C1QTNF3: variants seen among roughly 807,000 people sequenced by gnomAD.
C1QTNF3 encodes the protein complement C1q tumor necrosis factor-related protein 3.
C1QTNF3 carries 26 observed loss-of-function variants against 32.6 expected under a neutral mutation model. The ratio of observed to expected loss-of-function variants is 0.80; its 90% CI spans 0.58 to 1.11. The LOEUF (loss-of-function observed/expected upper bound fraction) is 1.11, where lower values mean the gene tolerates loss of function less well. Ranked by LOEUF, C1QTNF3 falls within the 50% of genes least tolerant of loss-of-function variation. The pLI, the probability that C1QTNF3 is intolerant of heterozygous loss-of-function variation, is 0.00. For missense variants in C1QTNF3, 362 were observed against 398.2 expected, an observed-to-expected ratio of 0.91 and a Z score of 0.77; for synonymous variants, 155 against 146.0, an observed-to-expected ratio of 1.06 and a Z score of -0.44.
chr5:34,129,513 G>A, the C1QTNF3 span, among the ~76,000 whole-genome samples: 2 of 152,012 alleles, frequency 1.3e-5, no homozygotes, highest in East Asian at 3.8e-4. Flanking sequence ...GAGGCGATGG[G>A]TATGAACTTG....
At chr5:34,079,486 TTTG>T in the C1QTNF3 span, among the ~76,000 whole-genome samples, 31 of 151,858 alleles carry the variant, frequency 2.0e-4, 1 homozygote, top group African/African-American at 7.5e-4. Context: ...ATTTATTATC[TTTG>T]TTTTTTTATT....
At chr5:34,160,401 A>G in the C1QTNF3 span, among the ~76,000 whole-genome samples, 5 of 152,326 alleles carry the variant, frequency 3.3e-5, no homozygotes, top group East Asian at 9.6e-4. Context: ...AAGCATATTC[A>G]TATACATTCT....
chr5:34,174,144 G>C, the C1QTNF3 span, among the ~76,000 whole-genome samples: 1 of 152,282 alleles, frequency 6.6e-6, no homozygotes, highest in South Asian at 2.1e-4. Context: ...TGCAGCCTCC[G>C]CCTCCGAGGT....
chr5:34,021,990 G>A (rs1418456218), intron 5 of C1QTNF3, among the ~76,000 whole-genome samples: 1 of 152,162 alleles, frequency 6.6e-6, no homozygotes. Context: ...ACAATCTGAT[G>A]GATTAAAAAT....
chr5:34,178,415 C>G, the C1QTNF3 span, among the ~76,000 whole-genome samples: 12 of 152,194 alleles, frequency 7.9e-5, no homozygotes, highest in Non-Finnish European at 1.8e-4. Flanking sequence ...AGGGTGCAAA[C>G]AGAACAGTGC....
the C1QTNF3 span, among the ~76,000 whole-genome samples, chr5:34,211,935 C>T: frequency 1.2e-4 from 19 of 152,132 alleles, no homozygotes; most frequent in African/African-American, 3.6e-4. Flanking sequence ...AAAAAGAGCC[C>T]GCATCGCCAA....
At chr5:34,209,039 T>C in the C1QTNF3 span, among the ~76,000 whole-genome samples, 2 of 151,130 alleles carry the variant, frequency 1.3e-5, no homozygotes, top group South Asian at 2.1e-4. Flanking sequence ...GCAGGAAAAC[T>C]GGTAAACCTC....
At chr5:34,222,359 A>C in the C1QTNF3 span, among the ~76,000 whole-genome samples, 10 of 152,050 alleles carry the variant, frequency 6.6e-5, no homozygotes, top group Admixed American at 6.6e-4. Flanking sequence ...ATTGTTTATA[A>C]GTTTTACTCT....
At chr5:34,084,789 GTTTTTT>G in the C1QTNF3 span, among the ~76,000 whole-genome samples, 1 of 68,762 alleles carries the variant, frequency 1.5e-5, no homozygotes, top group African/African-American at 7.6e-5. Flanking sequence ...GGTTTTTCTG[GTTTTTT>G]TTTTGTTTTT....
At position 34,042,875 on chromosome 5, in the gene C1QTNF3, A is replaced by G. The variant is rs1482059910; in HGVS notation, c.251T>C (p.Leu84Pro). 1.9e-6 allele frequency: 3 copies of G among 1,614,078 alleles called. No individual in the cohort carries two copies. The Admixed American group carries it at 5.0e-5, about 27-fold the overall frequency. Residue 84 changes from leucine (L) to proline (P), a missense_variant, in exon 1 of 6, where the codon CTA becomes CCA. By Grantham distance (98) the Leu-to-Pro change is moderately conservative (BLOSUM62 -3). Transcript: ENST00000382065. ...TDLKSLRPDELPHPEVDDLAQ... is the reference protein window; with the variant it reads ...TDLKSLRPDEPPHPEVDDLAQ... ...TAGGTCATCTACCTCGGGGTGCGGTAGCTCATCTGGTCTCAGGGATTTTAG... is the reference window on the plus strand; with the variant it reads ...TAGGTCATCTACCTCGGGGTGCGGTGGCTCATCTGGTCTCAGGGATTTTAG...
intron 3 of C1QTNF3, among the ~76,000 whole-genome samples, chr5:34,030,304 T>C (rs1247351877): frequency 6.6e-6 from 1 of 152,150 alleles, no homozygotes; most frequent in Non-Finnish European, 1.5e-5. Flanking sequence ...CAGTAAAAGA[T>C]CAGCAAAGAG....
chr5:34,104,816 C>T, the C1QTNF3 span, among the ~76,000 whole-genome samples: 264 of 150,036 alleles, frequency 1.8e-3, 3 homozygotes, highest in South Asian at 0.054. Context: ...GGATTACAGG[C>T]GCAAGCCACC....
the C1QTNF3 span, among the ~76,000 whole-genome samples, chr5:34,242,159 A>C: frequency 6.6e-6 from 1 of 152,212 alleles, no homozygotes; most frequent in Non-Finnish European, 1.5e-5. Flanking sequence ...AATTAGAAAA[A>C]AACTACTCTA....
chr5:34,032,122 GAAACTTAATTTTTA>G (rs1047592838), intron 3 of C1QTNF3, among the ~76,000 whole-genome samples: 1 of 152,188 alleles, frequency 6.6e-6, no homozygotes, highest in Non-Finnish European at 1.5e-5. Flanking sequence ...TAGTCAGAAA[GAAACTTAATTTTTA>G]AAAAATGCTA....
At chr5:34,140,956 G>C in the C1QTNF3 span, among the ~76,000 whole-genome samples, 1 of 152,148 alleles carries the variant, frequency 6.6e-6, no homozygotes, top group South Asian at 2.1e-4. Context: ...TCCATTTTTG[G>C]TTAATGGACA....
At chr5:34,164,970 T>G in the C1QTNF3 span, 1 of 152,006 alleles carries the variant, frequency 6.6e-6, no homozygotes, top group African/African-American at 2.4e-5. Flanking sequence ...GTTAAAATTA[T>G]AGTTAAAATA....
the C1QTNF3 span, among the ~76,000 whole-genome samples, chr5:34,073,817 C>A: frequency 1.3e-5 from 2 of 151,752 alleles, no homozygotes; most frequent in Admixed American, 1.3e-4. Context: ...AGAACGTGCC[C>A]CTTTCACCTA....
At chr5:34,067,847 A>G in the C1QTNF3 span, among the ~76,000 whole-genome samples, 98,141 of 152,002 alleles carry the variant, frequency 0.65, 31,964 homozygotes, top group African/African-American at 0.67. Context: ...TTATTTTTGT[A>G]TACATTTTTA....
At chr5:34,032,166 G>A (rs1333246777) in intron 3 of C1QTNF3, among the ~76,000 whole-genome samples, 1 of 152,192 alleles carries the variant, frequency 6.6e-6, no homozygotes, top group Non-Finnish European at 1.5e-5. Context: ...GCTGATAGAA[G>A]TCCCCCAGAG....
Sources: allele counts gnomAD v4.1 joint callset (sites outside exome capture counted in the v4.1 genomes callset), GRCh38; gene constraint gnomAD v4.1.1; transcripts MANE v1.5; gene names NCBI Gene and HGNC (gene_info 2026-07-23, HGNC 2026-07-21).